The following CTNNA2 variants were observed in gnomAD, a reference collection of about 807,000 sequenced individuals.
CTNNA2 encodes the protein catenin alpha-2.
A neutral mutation model predicts 101.0 loss-of-function variants in CTNNA2; 42 were observed. The ratio of observed to expected loss-of-function variants is 0.42; its 90% CI spans 0.32 to 0.54. The LOEUF is 0.54. Among genes scored for constraint, CTNNA2 ranks in the 20% least tolerant of loss-of-function variants. The pLI, the probability that CTNNA2 is intolerant of heterozygous loss-of-function variation, is 0.14. For synonymous variants in CTNNA2, 450 were observed against 456.4 expected (o/e 0.99, Z 0.18); for missense variants, 871 against 1,223.1 (o/e 0.71, Z 4.29).
At chr2:80,192,444 T>C (rs1706566025) in intron 7 of CTNNA2, among the ~76,000 whole-genome samples, 1 of 152,242 alleles carries the variant, frequency 6.6e-6, no homozygotes, top group East Asian at 1.9e-4. Flanking sequence ...TGTCTTCCCT[T>C]TTAGTATTTA....
chr2:80,601,644 C>T (rs926639187), intron 15 of CTNNA2: 3 of 151,332 alleles, frequency 2.0e-5, no homozygotes, highest in Non-Finnish European at 2.9e-5. Context: ...ATCTTTTTTA[C>T]TTTTGGATAT....
intron 7 of CTNNA2, among the ~76,000 whole-genome samples, chr2:80,074,664 T>C (rs1698563911): frequency 6.6e-6 from 1 of 152,148 alleles, no homozygotes; most frequent in South Asian, 2.1e-4. Context: ...TGACCATTTG[T>C]GTATTAGACG....
chr2:79,813,894 A>G (rs541096380), intron 3 of CTNNA2, among the ~76,000 whole-genome samples: 2 of 152,294 alleles, frequency 1.3e-5, no homozygotes, highest in East Asian at 3.9e-4. Context: ...AGAAGTTTGA[A>G]GTCAAGGTGT....
intron 1 of CTNNA2, among the ~76,000 whole-genome samples, chr2:79,555,449 A>G (rs1674382640): frequency 6.6e-6 from 1 of 152,150 alleles, no homozygotes; most frequent in Admixed American, 6.6e-5. Flanking sequence ...AGTTAATATG[A>G]GTTTACATAC....
chr2:79,518,879 T>C (rs1671945323), intron 1 of CTNNA2, among the ~76,000 whole-genome samples: 1 of 143,690 alleles, frequency 7.0e-6, no homozygotes. Context: ...TCACAAAATA[T>C]GTTTTTTTTT....
chr2:79,195,942 T>C (rs560574399), intron 1 of CTNNA2: 3 of 439,352 alleles, frequency 6.8e-6, no homozygotes, highest in Admixed American at 5.1e-5. Flanking sequence ...AGTTTTTTGT[T>C]TGTTTGTTTT....
chr2:79,989,500 T>G (rs1047573601), intron 7 of CTNNA2, among the ~76,000 whole-genome samples: 4 of 152,094 alleles, frequency 2.6e-5, no homozygotes, highest in African/African-American at 9.7e-5. Flanking sequence ...CTGGACATGA[T>G]GGCATGCACC....
At chr2:80,060,008 G>C (rs1156971229) in intron 7 of CTNNA2, among the ~76,000 whole-genome samples, 1 of 152,160 alleles carries the variant, frequency 6.6e-6, no homozygotes, top group African/African-American at 2.4e-5. Flanking sequence ...AAACTATTTA[G>C]GTACTGAATA....
chr2:79,869,713 A>G, intron 4 of CTNNA2, 103 bp from the exon 5 acceptor site: 1 of 1,420,206 alleles, frequency 7.0e-7, no homozygotes, highest in Non-Finnish European at 9.4e-7. Context: ...ATGTTAACAC[A>G]TACTAGTGTT....
intron 3 of CTNNA2, among the ~76,000 whole-genome samples, chr2:79,786,546 G>A (rs1036361807): frequency 3.3e-5 from 5 of 151,894 alleles, no homozygotes; most frequent in African/African-American, 1.2e-4. Flanking sequence ...AGAAGAGTGG[G>A]CAGAGGTGAA....
chr2:79,683,638 C>T (rs1215869872), intron 2 of CTNNA2, among the ~76,000 whole-genome samples: 3 of 152,224 alleles, frequency 2.0e-5, no homozygotes, highest in African/African-American at 7.2e-5. Flanking sequence ...TAAGTGTCTG[C>T]ACTCACCAGA....
At chr2:79,881,156 T>G (rs946825948) in intron 6 of CTNNA2, among the ~76,000 whole-genome samples, 27 of 152,222 alleles carry the variant, frequency 1.8e-4, no homozygotes, top group African/African-American at 5.8e-4. Context: ...AGTTCTCATT[T>G]GATTGCACTG....
At chr2:79,277,704 A>G (rs1675249051) in intron 2 of CTNNA2, among the ~76,000 whole-genome samples, 2 of 152,104 alleles carry the variant, frequency 1.3e-5, no homozygotes, top group South Asian at 4.1e-4. Flanking sequence ...ATTCAAACCT[A>G]CATGTTTGAC....
rs188684671 is a variant in CTNNA2 at position 79,796,648 on chromosome 2, G to A, written c.298+52066G>A. On this transcript the variant is annotated intron_variant, in intron 3 of 18. Coordinates refer to ENST00000402739, the MANE Select transcript of CTNNA2 (RefSeq NM_001282597.3). ...GGAGCTGTCAGATGTGTGATGGTTA[G>A]AATGGTTGCTTTTGGGCAGGTCCAG... 1.2e-3 allele frequency among the ~76,000 whole-genome samples: 183 copies of A among 152,316 alleles called. 1 individual carries two copies. The highest frequency in any genetic ancestry group is 4.2e-3 in the African/African-American group (173 of 41,570).
chr2:80,143,418 T>C (rs1703138559), intron 7 of CTNNA2, among the ~76,000 whole-genome samples: 1 of 152,166 alleles, frequency 6.6e-6, no homozygotes, highest in South Asian at 2.1e-4. Context: ...CCTCAAATAT[T>C]CGTCAAATTT....
At chr2:79,780,168 A>T (rs561899413) in intron 3 of CTNNA2, among the ~76,000 whole-genome samples, 1 of 152,240 alleles carries the variant, frequency 6.6e-6, no homozygotes, top group South Asian at 2.1e-4. Flanking sequence ...CACTTGTCCT[A>T]CCTTTCCAGA....
intron 2 of CTNNA2, among the ~76,000 whole-genome samples, chr2:79,296,098 A>G (rs1230808109): frequency 6.6e-6 from 1 of 152,140 alleles, no homozygotes; most frequent in Non-Finnish European, 1.5e-5. Flanking sequence ...ATAGTTCAAC[A>G]AAAATATTGG....
At chr2:79,247,022 C>A (rs1045423637) in intron 2 of CTNNA2, among the ~76,000 whole-genome samples, 1 of 152,152 alleles carries the variant, frequency 6.6e-6, no homozygotes, top group Non-Finnish European at 1.5e-5. Flanking sequence ...ATTCAGTAAA[C>A]CCTGAGTGCT....
chr2:80,082,142 T>C lies in CTNNA2; in HGVS notation c.1056+172345T>C, dbSNP rs369002067. ...ATTTCAAACCAAATGGAAATGCTTT[T>C]TGAGTCATATTTTGTCATCTGATGC... On this transcript the variant is annotated intron_variant, in intron 7 of 18. Coordinates refer to ENST00000402739, the MANE Select transcript of CTNNA2 (RefSeq NM_001282597.3). 4.6e-5 allele frequency among the ~76,000 whole-genome samples: 7 copies of C among 152,268 alleles called. No individual in the cohort carries two copies. The East Asian group carries it at 7.7e-4, about 17-fold the overall frequency.
Sources: gnomAD v4.1 joint callset for allele counts (sites outside exome capture counted in the v4.1 genomes callset) on GRCh38, gnomAD v4.1.1 for gene constraint, MANE v1.5 for transcripts, NCBI Gene and HGNC (gene_info 2026-07-23, HGNC 2026-07-21) for gene names.